UBA5: variants seen among roughly 807,000 people sequenced by gnomAD.
UBA5 encodes ubiquitin like modifier activating enzyme 5, also known as ubiquitin-like modifier-activating enzyme 5.
Under a neutral mutation model 52.9 loss-of-function variants are expected in UBA5, and 28 were observed. That is an observed-to-expected ratio of 0.53 (90% CI 0.39 to 0.73). The LOEUF (loss-of-function observed/expected upper bound fraction) is 0.73, where lower values mean the gene tolerates loss of function less well. Among genes scored for constraint, UBA5 ranks in the 30% least tolerant of loss-of-function variants. UBA5 has a pLI of 0.00. For missense variants in UBA5, 388 were observed against 492.7 expected, an observed-to-expected ratio of 0.79 and a Z score of 2.01; for synonymous variants, 135 against 162.1, an observed-to-expected ratio of 0.83 and a Z score of 1.27.
At position 132,676,882 on chromosome 3, in the gene UBA5, C is replaced by A. The variant is rs780883035; in HGVS notation, c.*356C>A. On this transcript the variant is annotated 3_prime_UTR_variant, in exon 12 of 12. Transcript: ENST00000356232. This position sits in a 1 kb window ranked among gnomAD's most constrained non-coding sequence, Gnocchi z 4.1. ...ATCCCTTGTGTCTGTTGCATGAGGA[C>A]ATGGACAATAAAGTAGTATATGATC... 13 of 458,666 alleles carry A rather than the reference C, an allele frequency of 2.8e-5. No homozygotes were observed. The highest frequency in any genetic ancestry group is 4.8e-5 in the Non-Finnish European group (11 of 228,724). The allele number at this position is 458,666 out of a possible 1,614,324, so 28.4% of individuals were successfully genotyped here. A position where few individuals can be genotyped will look rare whatever the true frequency, so the allele number is the denominator to read the frequency against.
intron 1 of UBA5, among the ~76,000 whole-genome samples, chr3:132,662,475 C>T (rs1276173320): frequency 6.6e-6 from 1 of 152,022 alleles, no homozygotes; most frequent in Non-Finnish European, 1.5e-5. Flanking sequence ...CATTGCAGTA[C>T]AGGTGATAAG....
upstream of UBA5, among the ~76,000 whole-genome samples, chr3:132,658,044 T>A: frequency 6.6e-6 from 1 of 151,996 alleles, no homozygotes. Context: ...GTATCTTTAG[T>A]AGAGATGGGG....
In UBA5 at chr3:132,675,853, T is replaced by A. The variant is rs779047931; in HGVS notation, c.1061T>A (p.Leu354Gln). The stretch of plus-strand genomic sequence containing the variant: ...GTATCTGAGGTTTCAGAAGAGGAAC[T>A]GAAAAATTTTTCAGGTCCAGTTCCA... ...ELVSEVSEEE[L>Q]KNFSGPVPDL... Residue 354 changes from leucine to glutamine, a missense_variant, in exon 11 of 12, where the codon CTG becomes CAG. Coordinates refer to ENST00000356232, the MANE Select transcript of UBA5 (RefSeq NM_024818.6). 19 of 1,611,534 alleles carry A rather than the reference T, an allele frequency of 1.2e-5. No individual in the cohort carries two copies. The Admixed American group carries it at 1.3e-4, about 11-fold the overall frequency.
chr3:132,657,583 C>A (rs1937875067), upstream of UBA5, among the ~76,000 whole-genome samples: 1 of 152,100 alleles, frequency 6.6e-6, no homozygotes. Context: ...TTTTAAAATT[C>A]TTTTTAAGGT....
Position 132,676,040 on chromosome 3 carries a change from C to A in UBA5, c.1131+117C>A. ...TGTTTTAGATATTTTATGCTATAGG[C>A]ATTAAGATGTGAGAGAGAGGTATGC... On this transcript the variant is annotated intron_variant, in intron 11 of 11. Coordinates refer to ENST00000356232, the MANE Select transcript of UBA5 (RefSeq NM_024818.6). This position sits in a 1 kb window ranked among gnomAD's most constrained non-coding sequence, Gnocchi z 4.1. 1.4e-6 allele frequency: 1 copy of A among 701,004 alleles called. No homozygotes were observed. Among genetic ancestry groups the A allele is most frequent in the Non-Finnish European group, 2.4e-6 (1 of 424,026 alleles). The allele number at this position is 701,004 out of a possible 1,614,324, so 43.4% of individuals were successfully genotyped here. A position where few individuals can be genotyped will look rare whatever the true frequency, so the allele number is the denominator to read the frequency against.
At chr3:132,659,559 T>C (rs1303234433), upstream of UBA5, 9 of 1,606,606 alleles carry the variant, frequency 5.6e-6, no homozygotes, top group Non-Finnish European at 7.6e-6. Flanking sequence ...GAAAACTCAA[T>C]GTACAAATTT....
upstream of UBA5, among the ~76,000 whole-genome samples, chr3:132,656,500 T>C (rs533325445): frequency 5.3e-5 from 8 of 152,018 alleles, no homozygotes; most frequent in African/African-American, 1.7e-4. Flanking sequence ...GTCAGATTTT[T>C]TTTTTTTTTG....
rs202023109 is a variant in UBA5 at position 132,664,834 on chromosome 3, C to CA, written c.162-988dup. Among the ~76,000 whole-genome samples, 184 of 152,178 alleles carry CA rather than the reference C, an allele frequency of 1.2e-3. 1 individual carries two copies. Among genetic ancestry groups the CA allele is most frequent in the African/African-American group, 3.8e-3 (158 of 41,522 alleles). On this transcript the variant is annotated intron_variant, in intron 1 of 11. Coordinates refer to ENST00000356232, the MANE Select transcript of UBA5 (RefSeq NM_024818.6). ...CAATCATGTCAGATTCTAGGAGATA[C>CA]ATCTTTAAGAAGATGAAATTGATAG...
At chr3:132,662,372 T>C (rs1447496878) in intron 1 of UBA5, among the ~76,000 whole-genome samples, 2 of 152,224 alleles carry the variant, frequency 1.3e-5, no homozygotes, top group African/African-American at 4.8e-5. Flanking sequence ...TGAGTACTTA[T>C]TGTGTGCAGA....
rs1473404292 is a variant in UBA5, at chr3:132,679,676, T to A, written c.*3150T>A. Among the ~76,000 whole-genome samples, 1 of 152,202 alleles carries A rather than the reference T, an allele frequency of 6.6e-6. No homozygotes were observed. The highest frequency in any genetic ancestry group is 1.5e-5 in the Non-Finnish European group (1 of 68,028). On this transcript the variant is annotated 3_prime_UTR_variant, in exon 12 of 12. Coordinates refer to ENST00000356232, the MANE Select transcript of UBA5 (RefSeq NM_024818.6). The stretch of plus-strand genomic sequence containing the variant: ...TCAGGGTTCTTCTAGAGTACTGGTC[T>A]CATTATTTTCTAAAGCAGTTTTTCT...
Position 132,671,885 on chromosome 3 carries a change from T to C in UBA5, c.684+4T>C, listed in dbSNP as rs1559992616. ...TGGAGAATCTGCTTGTTTTGCGGTA[T>C]GCATTATTCTTTTTGGAATATTCTT... On this transcript the variant is annotated splice_donor_region_variant and intron_variant, in intron 7 of 11. Coordinates refer to ENST00000356232, the MANE Select transcript of UBA5 (RefSeq NM_024818.6). 2 of 1,610,650 alleles carry C rather than the reference T, an allele frequency of 1.2e-6. No individual in the cohort carries two copies. Among genetic ancestry groups the C allele is most frequent in the Non-Finnish European group, 1.7e-6 (2 of 1,178,766 alleles).
chr3:132,672,233 A>G lies in UBA5; in HGVS notation c.812+56A>G, dbSNP rs137917021. 4.3e-3 allele frequency: 6,669 copies of G among 1,550,514 alleles called. 24 individuals are homozygous for G. The highest frequency in any genetic ancestry group is 6.2e-3 in the Admixed American group (307 of 49,270). On this transcript the variant is annotated intron_variant, in intron 8 of 11. Coordinates refer to ENST00000356232, the MANE Select transcript of UBA5 (RefSeq NM_024818.6). ...TTGTATGCTTTCAGTAAACATAAAT[A>G]TATTTCACAAAGCATTTCAGAAACT...
intron 4 of UBA5, among the ~76,000 whole-genome samples, chr3:132,669,673 GCCAGATTTGGC>G (rs1938521032): frequency 6.6e-6 from 1 of 152,162 alleles, no homozygotes; most frequent in African/African-American, 2.4e-5. Context: ...CAGGTGGTGG[GCCAGATTTGGC>G]CCATGGGCCA....
intron 8 of UBA5, among the ~76,000 whole-genome samples, chr3:132,673,942 A>G (rs1938717934): frequency 6.6e-6 from 1 of 152,230 alleles, no homozygotes; most frequent in Non-Finnish European, 1.5e-5. Context: ...TAGGAGTTAC[A>G]GGCATGAGCC....
intron 3 of UBA5, 27 bp from the exon 4 acceptor site, chr3:132,668,791 A>T (rs776483647): frequency 6.9e-7 from 1 of 1,451,476 alleles, no homozygotes; most frequent in Non-Finnish European, 9.5e-7. Flanking sequence ...TATGTTTTTC[A>T]TCAGAATACC....
upstream of UBA5, among the ~76,000 whole-genome samples, chr3:132,656,306 A>G (rs1258911162): frequency 6.6e-6 from 1 of 152,160 alleles, no homozygotes; most frequent in Non-Finnish European, 1.5e-5. Context: ...TTGTCCCCTT[A>G]TACTGTAGTA....
chr3:132,672,023 T>G, intron 7 of UBA5, 27 bp from the exon 8 acceptor site: 3 of 1,609,686 alleles, frequency 1.9e-6, no homozygotes, highest in Non-Finnish European at 2.5e-6. Context: ...CTCTTTTTTT[T>G]TGAAATGTGT....
At chr3:132,675,100 AATTTCTGTTTTCTGGATGCAG>A (rs1938774014) in intron 8 of UBA5, 127 bp from the exon 9 acceptor site, 1 of 598,666 alleles carries the variant, frequency 1.7e-6, no homozygotes, top group South Asian at 2.3e-5. Context: ...AATAAGATAA[AATTTCTGTTTTCTGGATGCAG>A]ATTTCTGTTT....
rs1938842663 is a variant in UBA5, at chr3:132,676,432, T to C, written c.1132-11T>C. 1 of 1,602,090 alleles carries C rather than the reference T, an allele frequency of 6.2e-7. No individual in the cohort carries two copies. Among genetic ancestry groups the C allele is most frequent in the Non-Finnish European group, 8.5e-7 (1 of 1,175,116 alleles). ...TTCTTTTTTCACTGTATTTCCCTTA[T>C]TTGTCAATAGCAAGAAGATTCTGTC... On this transcript the variant is annotated splice_polypyrimidine_tract_variant and intron_variant, in intron 11 of 11. Transcript: ENST00000356232. This position sits in a 1 kb window ranked among gnomAD's most constrained non-coding sequence, Gnocchi z 4.1.
Sources: gnomAD v4.1 joint callset for allele counts (sites outside exome capture counted in the v4.1 genomes callset) on GRCh38, gnomAD v4.1.1 for gene constraint, Gnocchi (gnomAD v3.1) non-coding constraint, MANE v1.5 for transcripts, NCBI Gene and HGNC (gene_info 2026-07-23, HGNC 2026-07-21) for gene names.